SH3GL2: variants seen among roughly 807,000 people sequenced by gnomAD.
SH3GL2 encodes the protein SH3 domain containing GRB2 like 2, endophilin A1, also known as endophilin-A1.
Under a neutral mutation model 46.0 loss-of-function variants are expected in SH3GL2, and 24 were observed. That is an observed-to-expected ratio of 0.52 (90% confidence interval 0.38 to 0.73). The LOEUF (loss-of-function observed/expected upper bound fraction) is 0.73. SH3GL2 is among the 30% of genes least tolerant of loss of function. SH3GL2 has a pLI of 0.00. For missense variants in SH3GL2, 413 were observed against 424.2 expected, an observed-to-expected ratio of 0.97 and a Z score of 0.23; for synonymous variants, 196 against 147.1, an observed-to-expected ratio of 1.33 and a Z score of -2.40.
chr9:17,596,320 C>G (rs1485680171), intron 1 of SH3GL2, among the ~76,000 whole-genome samples: 1 of 152,064 alleles, frequency 6.6e-6, no homozygotes, highest in Non-Finnish European at 1.5e-5. Context: ...ATGACTTTTG[C>G]TGGCATTTCT....
chr9:17,654,936 A>G (rs375139711), intron 1 of SH3GL2, among the ~76,000 whole-genome samples: 5 of 152,320 alleles, frequency 3.3e-5, no homozygotes, highest in South Asian at 2.1e-4. Flanking sequence ...GGAGGATGTG[A>G]TGGGAGCTGT....
intron 1 of SH3GL2, among the ~76,000 whole-genome samples, chr9:17,618,886 A>G (rs1819067007): frequency 6.6e-6 from 1 of 152,038 alleles, no homozygotes; most frequent in Non-Finnish European, 1.5e-5. Context: ...AGAGAGAGAG[A>G]AAGAGAGAAA....
intron 1 of SH3GL2, among the ~76,000 whole-genome samples, chr9:17,638,140 G>A (rs1400412550): frequency 2.0e-5 from 3 of 149,176 alleles, no homozygotes; most frequent in East Asian, 4.0e-4. Context: ...CTGGGCGACA[G>A]AGCGAGACTC....
At chr9:17,614,295 G>GAAAAAA (rs3084628) in intron 1 of SH3GL2, among the ~76,000 whole-genome samples, 5,789 of 69,862 alleles carry the variant, frequency 0.083, 961 homozygotes, top group Non-Finnish European at 0.11. Flanking sequence ...CATGGTTTCT[G>GAAAAAA]AAAAAAAAAA....
At chr9:17,743,303 T>C (rs73412768) in intron 1 of SH3GL2, among the ~76,000 whole-genome samples, 3,480 of 152,224 alleles carry the variant, frequency 0.023, 134 homozygotes, top group African/African-American at 0.08. Flanking sequence ...GAGAACAATA[T>C]AGATGTTATT....
intron 1 of SH3GL2, among the ~76,000 whole-genome samples, chr9:17,723,364 C>G (rs1160207055): frequency 2.6e-5 from 4 of 152,052 alleles, no homozygotes; most frequent in African/African-American, 4.8e-5. Context: ...ATTATTTTTG[C>G]CTTCAGTATC....
intron 2 of SH3GL2, among the ~76,000 whole-genome samples, chr9:17,757,815 C>G (rs193031713): frequency 2.6e-4 from 39 of 152,216 alleles, no homozygotes; most frequent in Admixed American, 2.2e-3. Context: ...TTAATCAGGC[C>G]TGTTACTAAG....
intron 1 of SH3GL2, among the ~76,000 whole-genome samples, chr9:17,713,824 A>G (rs1231331070): frequency 2.0e-5 from 3 of 151,710 alleles, no homozygotes; most frequent in African/African-American, 4.8e-5. Flanking sequence ...TATACGTTTC[A>G]TGTACACTTC....
chr9:17,589,020 A>G (rs1818430317), intron 1 of SH3GL2: 1 of 152,174 alleles, frequency 6.6e-6, no homozygotes, highest in Admixed American at 6.5e-5. Context: ...GGTGCCTATA[A>G]TTAATTAATT....
intron 3 of SH3GL2, among the ~76,000 whole-genome samples, chr9:17,783,430 G>A (rs936944296): frequency 1.3e-5 from 2 of 151,248 alleles, no homozygotes; most frequent in Non-Finnish European, 2.9e-5. Flanking sequence ...GACTCACATG[G>A]ACACTGCTTT....
rs556081212 is a variant in SH3GL2, at chr9:17,702,395, A to C, written c.46-44671A>C. Among the ~76,000 whole-genome samples the C allele has an allele frequency of 3.3e-5, 5 of 152,212 alleles. No homozygotes were observed. In the East Asian group the frequency reaches 9.7e-4, roughly 29 times the overall value. On this transcript the variant is annotated intron_variant, in intron 1 of 8. Transcript: ENST00000380607. The stretch of plus-strand genomic sequence containing the variant: ...ATCCCAAACCCAGAAACTATAAAGG[A>C]AAGAATCAGGATATATGTACCGATA...
At chr9:17,743,030 G>A (rs948053410) in intron 1 of SH3GL2, among the ~76,000 whole-genome samples, 4 of 152,222 alleles carry the variant, frequency 2.6e-5, no homozygotes, top group African/African-American at 9.6e-5. Context: ...TATCACCTCA[G>A]TGGAAAAATA....
At chr9:17,735,123 T>G (rs914097726) in intron 1 of SH3GL2, among the ~76,000 whole-genome samples, 2 of 152,088 alleles carry the variant, frequency 1.3e-5, no homozygotes, top group Non-Finnish European at 2.9e-5. Context: ...AGTCTTTTCT[T>G]TCTAAATATT....
At chr9:17,692,829 C>T (rs1190553681) in intron 1 of SH3GL2, among the ~76,000 whole-genome samples, 3 of 151,930 alleles carry the variant, frequency 2.0e-5, no homozygotes, top group African/African-American at 7.3e-5. Context: ...CTGGGGAGGC[C>T]CCAGAATCAT....
intron 7 of SH3GL2, among the ~76,000 whole-genome samples, chr9:17,792,869 G>A (rs146439956): frequency 3.3e-5 from 5 of 152,242 alleles, no homozygotes; most frequent in East Asian, 1.9e-4. Context: ...TTTGTGTTCT[G>A]TCTCCCTTAC....
At chr9:17,646,763 C>T (rs535792516) in intron 1 of SH3GL2, among the ~76,000 whole-genome samples, 1 of 152,274 alleles carries the variant, frequency 6.6e-6, no homozygotes, top group Admixed American at 6.5e-5. Flanking sequence ...CCCACAGGGG[C>T]AACTGCCAGA....
chr9:17,722,646 A>AT (rs894732822), intron 1 of SH3GL2, among the ~76,000 whole-genome samples: 147 of 150,558 alleles, frequency 9.8e-4, no homozygotes, highest in African/African-American at 3.4e-3. Flanking sequence ...GCTGCAGTAA[A>AT]TTTTTTTTTT....
At chr9:17,624,159 A>G (rs10963165) in intron 1 of SH3GL2, among the ~76,000 whole-genome samples, 24,207 of 152,220 alleles carry the variant, frequency 0.16, 2,260 homozygotes, top group East Asian at 0.33. Context: ...GGGTGATGCA[A>G]TCTCAGTTGG....
At chr9:17,658,534 G>A (rs993077965) in intron 1 of SH3GL2, among the ~76,000 whole-genome samples, 6 of 152,186 alleles carry the variant, frequency 3.9e-5, no homozygotes, top group African/African-American at 1.4e-4. Flanking sequence ...AATGTGTACT[G>A]TATGTGCCAG....
Sources: gnomAD v4.1 joint callset for allele counts (sites outside exome capture counted in the v4.1 genomes callset) on GRCh38, gnomAD v4.1.1 for gene constraint, MANE v1.5 for transcripts, NCBI Gene and HGNC (gene_info 2026-07-23, HGNC 2026-07-21) for gene names.